The following NDUFAF6 variants were observed in gnomAD, a reference collection of about 807,000 sequenced individuals.
NDUFAF6 encodes the protein NADH dehydrogenase (ubiquinone) complex I, assembly factor 6.
Under a neutral mutation model 40.8 loss-of-function variants are expected in NDUFAF6, and 45 were observed. The ratio of observed to expected loss-of-function variants is 1.10; its 90% CI spans 0.87 to 1.42. The LOEUF (loss-of-function observed/expected upper bound fraction) is 1.42, where lower values mean the gene tolerates loss of function less well. NDUFAF6 is among the 40% of genes most tolerant of loss of function. NDUFAF6 has a pLI of 0.00. For synonymous variants in NDUFAF6, 185 were observed against 155.9 expected, an observed-to-expected ratio of 1.19 and a Z score of -1.39; for missense variants, 435 against 418.5, an observed-to-expected ratio of 1.04 and a Z score of -0.34.
In NDUFAF6 at chr8:94,965,322, G is replaced by A. The variant is rs185123278; in HGVS notation, c.-199+7143G>A. Among the ~76,000 whole-genome samples, 77 of 152,324 alleles carry A rather than the reference G, an allele frequency of 5.1e-4. 1 individual carries two copies. Among genetic ancestry groups the A allele is most frequent in the Non-Finnish European group, 2.8e-4 (19 of 68,028 alleles). ...GTCAGGAAAGGGCCTGATCTGTCTGGAGAATGGTGAGTCCCCGGGGAATGA... is the reference window on the plus strand; with the variant it reads ...GTCAGGAAAGGGCCTGATCTGTCTGAAGAATGGTGAGTCCCCGGGGAATGA... On this transcript the variant is annotated intron_variant, in intron 1 of 9. Transcript: ENST00000396111.
intron 2 of NDUFAF6, among the ~76,000 whole-genome samples, chr8:95,085,871 ATTAAT>A (rs1452380380): frequency 6.6e-6 from 1 of 152,194 alleles, no homozygotes; most frequent in African/African-American, 2.4e-5. Context: ...ATGGGGCTTT[ATTAAT>A]TTGAGTAAAC....
At chr8:94,966,050 G>A (rs1011271798) in intron 1 of NDUFAF6, among the ~76,000 whole-genome samples, 3 of 152,138 alleles carry the variant, frequency 2.0e-5, no homozygotes, top group African/African-American at 7.2e-5. Flanking sequence ...TCCCTAGTAT[G>A]CTTCTAAGTG....
At chr8:94,943,281 GAGT>G (rs1370757771) in intron 1 of NDUFAF6, among the ~76,000 whole-genome samples, 1 of 152,154 alleles carries the variant, frequency 6.6e-6, no homozygotes, top group Admixed American at 6.5e-5. Context: ...TTGAGCCTAG[GAGT>G]TGGAGACCAG....
chr8:95,042,434 G>C (rs1184588086), intron 4 of NDUFAF6, among the ~76,000 whole-genome samples: 3 of 152,158 alleles, frequency 2.0e-5, no homozygotes, highest in Non-Finnish European at 4.4e-5. Context: ...CCTATTTTCA[G>C]GTGTCATCTT....
intron 1 of NDUFAF6, among the ~76,000 whole-genome samples, chr8:94,905,993 T>TA (rs1563697506): frequency 1.3e-5 from 2 of 152,240 alleles, no homozygotes; most frequent in Admixed American, 1.3e-4. Context: ...GTAGATTTTT[T>TA]AAAAAATTGT....
chr8:95,009,297 C>T (rs574625298), intron 2 of NDUFAF6, among the ~76,000 whole-genome samples: 1 of 152,140 alleles, frequency 6.6e-6, no homozygotes, highest in Non-Finnish European at 1.5e-5. Context: ...TCAGCCAGCA[C>T]ATAATACATA....
chr8:94,945,143 A>C (rs1821879350), intron 1 of NDUFAF6, among the ~76,000 whole-genome samples: 1 of 152,212 alleles, frequency 6.6e-6, no homozygotes, highest in Admixed American at 6.5e-5. Context: ...TAGTTTTTTG[A>C]AAACTTTCAA....
At chr8:95,082,975 C>T (rs538455921) in intron 2 of NDUFAF6, among the ~76,000 whole-genome samples, 4 of 152,168 alleles carry the variant, frequency 2.6e-5, no homozygotes, top group African/African-American at 9.6e-5. Flanking sequence ...GAGACAGAGT[C>T]TGTATGTATT....
At chr8:94,920,862 A>G (rs1444850631) in intron 1 of NDUFAF6, among the ~76,000 whole-genome samples, 1 of 152,150 alleles carries the variant, frequency 6.6e-6, no homozygotes, top group Non-Finnish European at 1.5e-5. Flanking sequence ...GAAAGCCTTT[A>G]ATTCCCATCC....
At chr8:95,020,599 C>T (rs1233516664), upstream of NDUFAF6, among the ~76,000 whole-genome samples, 1 of 152,218 alleles carries the variant, frequency 6.6e-6, no homozygotes, top group Non-Finnish European at 1.5e-5. Context: ...GCTCCCTTAG[C>T]CAGGCATGTT....
chr8:95,032,235 C>T (rs182526658), intron 2 of NDUFAF6, 141 bp downstream of exon 2: 608 of 733,766 alleles, frequency 8.3e-4, no homozygotes, highest in Non-Finnish European at 1.2e-3. Context: ...TCCCTGCTAA[C>T]TGTTTAGGCT....
downstream of NDUFAF6, among the ~76,000 whole-genome samples, chr8:95,105,651 G>C (rs961268296): frequency 6.6e-6 from 1 of 152,050 alleles, no homozygotes; most frequent in African/African-American, 2.4e-5. Context: ...ACAGACATGC[G>C]CCACCATGTT....
intron 1 of NDUFAF6, among the ~76,000 whole-genome samples, chr8:94,935,453 G>A (rs1000759746): frequency 3.9e-5 from 6 of 152,208 alleles, no homozygotes; most frequent in Non-Finnish European, 7.3e-5. Context: ...GTCATATGAT[G>A]TCTGTAAATT....
At chr8:94,959,892 G>A (rs1213620118) in intron 1 of NDUFAF6, among the ~76,000 whole-genome samples, 1 of 152,160 alleles carries the variant, frequency 6.6e-6, no homozygotes, top group African/African-American at 2.4e-5. Context: ...AGTTTCGGAT[G>A]TTTACATTTC....
At chr8:94,999,314 G>A (rs1826605877) in intron 2 of NDUFAF6, among the ~76,000 whole-genome samples, 1 of 151,922 alleles carries the variant, frequency 6.6e-6, no homozygotes, top group African/African-American at 2.4e-5. Context: ...AGTAGAGACG[G>A]GGTTTCACCA....
chr8:95,072,085 GA>G (rs911550146), intron 9 of NDUFAF6: 4 of 152,200 alleles, frequency 2.6e-5, no homozygotes, highest in African/African-American at 9.7e-5. Flanking sequence ...CTCACCCCCA[GA>G]AATTAATCTT....
upstream of NDUFAF6, among the ~76,000 whole-genome samples, chr8:95,097,020 C>T (rs148280596): frequency 1.1e-3 from 168 of 152,320 alleles, no homozygotes; most frequent in African/African-American, 3.7e-3. Flanking sequence ...GGATCCTACC[C>T]AATGAGGCCT....
At chr8:94,967,940 CAA>C (rs56332377) in intron 1 of NDUFAF6, among the ~76,000 whole-genome samples, 19,220 of 134,780 alleles carry the variant, frequency 0.14, 1,522 homozygotes, top group Middle Eastern at 0.24. Context: ...GACTCTGTCT[CAA>C]AAAAAAAAAA....
At chr8:95,000,790 G>C (rs1333437767) in intron 2 of NDUFAF6, among the ~76,000 whole-genome samples, 1 of 151,840 alleles carries the variant, frequency 6.6e-6, no homozygotes. Context: ...ACAAAAATTG[G>C]CCAGGGGTGG....
Sources: allele counts gnomAD v4.1 joint callset (sites outside exome capture counted in the v4.1 genomes callset), GRCh38; gene constraint gnomAD v4.1.1; transcripts MANE v1.5; gene names NCBI Gene and HGNC (gene_info 2026-07-23, HGNC 2026-07-21).